FLRT1: variants seen among roughly 807,000 people sequenced by gnomAD.
FLRT1 encodes leucine-rich repeat transmembrane protein FLRT1.
In FLRT1, 14 loss-of-function variants were observed where a neutral mutation model predicts 30.9. That is an observed-to-expected ratio of 0.45 (90% CI 0.30 to 0.71). The LOEUF is 0.71. Among genes scored for constraint, FLRT1 ranks in the 30% least tolerant of loss-of-function variants. FLRT1 has a pLI of 0.08. For synonymous variants in FLRT1, 368 were observed against 430.4 expected (o/e 0.85, Z 1.80); for missense variants, 737 against 949.2 (o/e 0.78, Z 2.94).
intron 1 of FLRT1, among the ~76,000 whole-genome samples, chr11:64,045,126 C>T (rs1943559796): frequency 6.6e-6 from 1 of 152,148 alleles, no homozygotes; most frequent in African/African-American, 2.4e-5. Context: ...TGTGCTTCTG[C>T]CTCGGCCGAG....
chr11:64,072,442 A>G (rs1274893788), intron 1 of FLRT1, among the ~76,000 whole-genome samples: 2 of 151,466 alleles, frequency 1.3e-5, no homozygotes, highest in African/African-American at 2.4e-5. Flanking sequence ...AAAAATAATA[A>G]TTACATAACA....
intron 1 of FLRT1, among the ~76,000 whole-genome samples, chr11:64,070,568 C>G (rs910851707): frequency 6.6e-6 from 1 of 152,196 alleles, no homozygotes. Context: ...CAGGTGGGAT[C>G]CAGCCTCACC....
intron 2 of FLRT1, 87 bp downstream of exon 2, chr11:64,104,268 T>C (rs138936866): frequency 6.6e-6 from 1 of 152,312 alleles, no homozygotes; most frequent in Non-Finnish European, 1.5e-5. Flanking sequence ...GACAGCTGGG[T>C]TGCACCCTCC....
At chr11:64,046,785 C>T (rs111239713) in intron 1 of FLRT1, among the ~76,000 whole-genome samples, 14 of 152,264 alleles carry the variant, frequency 9.2e-5, no homozygotes, top group African/African-American at 2.6e-4. Flanking sequence ...AGGCGTGAGC[C>T]GCTGCGCCTG....
intron 1 of FLRT1, among the ~76,000 whole-genome samples, chr11:64,040,836 G>T (rs1019946620): frequency 6.6e-6 from 1 of 152,098 alleles, no homozygotes; most frequent in Non-Finnish European, 1.5e-5. Flanking sequence ...GGACCCGGCT[G>T]TATGGGGCTC....
chr11:64,095,567 G>C (rs1944561348), intron 1 of FLRT1, among the ~76,000 whole-genome samples: 1 of 152,196 alleles, frequency 6.6e-6, no homozygotes, highest in South Asian at 2.1e-4. Context: ...GCTGGTGGGA[G>C]GGAAGTAGAG....
At chr11:64,116,132 C>A in intron 2 of FLRT1, 87 bp from the exon 3 acceptor site, 2 of 1,360,636 alleles carry the variant, frequency 1.5e-6, no homozygotes, top group Non-Finnish European at 2.0e-6. Context: ...TTGGTACAGG[C>A]TGGCAGGTGG....
In FLRT1 at chr11:64,117,498, A is replaced by T; in HGVS notation, c.1231A>T (p.Thr411Ser). 1.2e-6 allele frequency: 2 copies of T among 1,610,840 alleles called. No homozygotes were observed. Among genetic ancestry groups the T allele is most frequent in the Non-Finnish European group, 1.7e-6 (2 of 1,177,792 alleles). ...CACCACGCCCCAGGGTTCCCTGTTT[A>T]CCCTCAAGGCCAAAAGGCCAGGGCT... ...SATTPQGSLFTLKAKRPGLRL... is the reference protein window; with the variant it reads ...SATTPQGSLFSLKAKRPGLRL... Residue 411 changes from threonine (T) to serine (S), a missense_variant, in exon 3 of 3, where the codon ACC becomes TCC. Coordinates refer to ENST00000682287, the MANE Select transcript of FLRT1 (RefSeq NM_013280.5).
Position 64,096,207 on chromosome 11 carries a change from G to A in FLRT1, c.-1037-6987G>A, listed in dbSNP as rs1235327060. On this transcript the variant is annotated intron_variant, in intron 1 of 2. Transcript: ENST00000682287. The surrounding 1 kb of genome is among the most constrained non-coding windows in gnomAD (Gnocchi z 4.6). ...GCCAAGGGCCAGCCAAGAGCACTGT[G>A]ACGGGCAGGCAGGGGGTCGAACAGC... Among the ~76,000 whole-genome samples the A allele has an allele frequency of 6.6e-6, 1 of 152,252 alleles. No individual in the cohort carries two copies. The highest frequency in any genetic ancestry group is 1.9e-4 in the East Asian group (1 of 5,196).
chr11:64,099,770 G>A (rs994771642), intron 1 of FLRT1, among the ~76,000 whole-genome samples: 3 of 151,608 alleles, frequency 2.0e-5, no homozygotes, highest in Admixed American at 2.0e-4. Flanking sequence ...ATGGAGAGAT[G>A]GATAGGTGAA....
intron 2 of FLRT1, among the ~76,000 whole-genome samples, chr11:64,110,773 C>T (rs1343149246): frequency 9.9e-5 from 15 of 152,162 alleles, no homozygotes; most frequent in Admixed American, 7.9e-4. Flanking sequence ...AAAAGATGGG[C>T]GATTTACCAG....
At chr11:64,109,000 T>C (rs544934801) in intron 2 of FLRT1, among the ~76,000 whole-genome samples, 3 of 152,210 alleles carry the variant, frequency 2.0e-5, no homozygotes, top group South Asian at 4.2e-4. Context: ...GTGACCAGCA[T>C]CCATGCACGT....
At chr11:64,100,786 AG>A (rs1944657580) in intron 1 of FLRT1, among the ~76,000 whole-genome samples, 1 of 152,156 alleles carries the variant, frequency 6.6e-6, no homozygotes, top group Non-Finnish European at 1.5e-5. Flanking sequence ...CCACTTATCC[AG>A]GGCACAGACG....
rs1359466660 is a variant in FLRT1 at position 64,064,873 on chromosome 11, C to A, written c.-1038+28714C>A. Among the ~76,000 whole-genome samples the A allele has an allele frequency of 6.9e-6, 1 of 144,700 alleles. No homozygotes were observed. The highest frequency in any genetic ancestry group is 1.5e-5 in the Non-Finnish European group (1 of 66,480). The allele number at this position is 144,700 out of a possible 152,430, so 94.9% of individuals were successfully genotyped here. ...TCATTCATTCATTCATTCATTCATT[C>A]ATTTGATGAGTGCTTCCAGAGCCCA... On this transcript the variant is annotated intron_variant, in intron 1 of 2. Transcript: ENST00000682287. This position sits in a 1 kb window ranked among gnomAD's most constrained non-coding sequence, Gnocchi z 4.5.
At chr11:64,091,402 G>A (rs1193018338) in intron 1 of FLRT1, among the ~76,000 whole-genome samples, 1 of 151,924 alleles carries the variant, frequency 6.6e-6, no homozygotes, top group African/African-American at 2.4e-5. Flanking sequence ...TAGGGAGGTT[G>A]GGGGGCGGGT....
chr11:64,039,715 CA>C (rs1943449331), intron 1 of FLRT1, among the ~76,000 whole-genome samples: 2 of 152,206 alleles, frequency 1.3e-5, no homozygotes, highest in Non-Finnish European at 2.9e-5. Flanking sequence ...GCCTGTTTAC[CA>C]TCGCTCGAGG....
At chr11:64,055,787 C>T (rs1223585480) in intron 1 of FLRT1, among the ~76,000 whole-genome samples, 2 of 152,168 alleles carry the variant, frequency 1.3e-5, no homozygotes, top group Non-Finnish European at 2.9e-5. Context: ...CCCTTTCATA[C>T]AGAGGATGCT....
intron 2 of FLRT1, among the ~76,000 whole-genome samples, chr11:64,112,763 GA>G (rs1944885483): frequency 6.6e-6 from 1 of 152,218 alleles, no homozygotes; most frequent in Non-Finnish European, 1.5e-5. Flanking sequence ...TGCAGTCAGT[GA>G]GAGGGGAATG....
intron 1 of FLRT1, among the ~76,000 whole-genome samples, chr11:64,070,534 A>T (rs1944088159): frequency 6.6e-6 from 1 of 152,220 alleles, no homozygotes; most frequent in Non-Finnish European, 1.5e-5. Context: ...GCCCGAGAGC[A>T]GAGCTCGAGA....
Sources: gnomAD v4.1 joint callset for allele counts (sites outside exome capture counted in the v4.1 genomes callset) on GRCh38, gnomAD v4.1.1 for gene constraint, Gnocchi (gnomAD v3.1) non-coding constraint, MANE v1.5 for transcripts, NCBI Gene and HGNC (gene_info 2026-07-23, HGNC 2026-07-21) for gene names.